Variants in ASB4 observed in about 807,000 individuals in gnomAD.
ASB4 encodes ankyrin repeat and SOCS box containing 4, also known as ankyrin repeat and SOCS box protein 4.
In ASB4, 35 loss-of-function variants were observed where a neutral mutation model predicts 38.6. The observed-to-expected ratio is 0.91, with a 90% CI of 0.69 to 1.20. The LOEUF (loss-of-function observed/expected upper bound fraction) is 1.20. Ranked by LOEUF, ASB4 falls within the 50% of genes most tolerant of loss-of-function variation. The probability of loss-of-function intolerance (pLI) is 0.00; values close to 1 mark genes in which losing one functional copy is unlikely to be tolerated. For missense variants in ASB4, 557 were observed against 527.2 expected (o/e 1.06, Z -0.55); for synonymous variants, 195 against 201.3 (o/e 0.97, Z 0.26).
At chr7:95,484,167 A>C (rs1029658500), upstream of ASB4, among the ~76,000 whole-genome samples, 1 of 152,070 alleles carries the variant, frequency 6.6e-6, no homozygotes, top group African/African-American at 2.4e-5. Flanking sequence ...GTCTCTTCAA[A>C]AAAACACACA....
At chr7:95,490,414 T>C (rs1426241571) in intron 1 of ASB4, among the ~76,000 whole-genome samples, 2 of 152,222 alleles carry the variant, frequency 1.3e-5, no homozygotes, top group Non-Finnish European at 1.5e-5. Flanking sequence ...CAGGGGAACT[T>C]TGAGTTATCT....
At chr7:95,536,114 T>C (rs914774501) in intron 3 of ASB4, among the ~76,000 whole-genome samples, 1 of 152,236 alleles carries the variant, frequency 6.6e-6, no homozygotes, top group Non-Finnish European at 1.5e-5. Flanking sequence ...TTTGATTTTA[T>C]TAATCTATCT....
intron 2 of ASB4, among the ~76,000 whole-genome samples, chr7:95,509,452 T>A (rs2116613385): frequency 6.6e-6 from 1 of 152,314 alleles, no homozygotes; most frequent in Non-Finnish European, 1.5e-5. Flanking sequence ...TATTCCAAAC[T>A]AAGCACTTAG....
chr7:95,515,239 CTT>C (rs1562817091), intron 2 of ASB4, among the ~76,000 whole-genome samples: 34 of 116,088 alleles, frequency 2.9e-4, no homozygotes, highest in African/African-American at 3.5e-4. Context: ...CTTTTTCTTT[CTT>C]TCTTTCTTTC....
Position 95,537,689 on chromosome 7 carries a change from T to C in ASB4, c.1211T>C (p.Ile404Thr), listed in dbSNP as rs1306075501. The change falls in exon 5 of 5, where the codon ATT becomes ACT. Residue 404 changes from isoleucine to threonine, a missense_variant. By Grantham distance (89) the Ile-to-Thr change is moderately conservative. Transcript: ENST00000325885. ...TTACACAACAGATGCCATAGAGCAA[T>C]TCCTTTGCTTTCCCTCCCATTGTCA... ...RTLHNRCHRA[I>T]PLLSLPLSLK... 2 of 1,613,892 alleles carry C rather than the reference T, an allele frequency of 1.2e-6. No homozygotes were observed. The highest frequency in any genetic ancestry group is 1.7e-6 in the Non-Finnish European group (2 of 1,179,810).
chr7:95,548,265 A>G, the ASB4 span, among the ~76,000 whole-genome samples: 67,183 of 152,090 alleles, frequency 0.44, 15,183 homozygotes, highest in East Asian at 0.82. Context: ...TCTGATAGGT[A>G]AATAGTGATA....
chr7:95,491,544 C>T (rs1409888658), intron 1 of ASB4, among the ~76,000 whole-genome samples: 4 of 152,168 alleles, frequency 2.6e-5, no homozygotes, highest in African/African-American at 4.8e-5. Flanking sequence ...TTCTAGGTTT[C>T]GAAGCCCTGG....
At chr7:95,482,780 T>C (rs1184630269), upstream of ASB4, among the ~76,000 whole-genome samples, 1 of 152,116 alleles carries the variant, frequency 6.6e-6, no homozygotes, top group African/African-American at 2.4e-5. Flanking sequence ...TGATGGATTA[T>C]GAGAGGATAT....
At chr7:95,494,195 C>T (rs888400430) in intron 1 of ASB4, among the ~76,000 whole-genome samples, 4 of 152,110 alleles carry the variant, frequency 2.6e-5, no homozygotes, top group Non-Finnish European at 5.9e-5. Flanking sequence ...ATCACCAGGC[C>T]CACTTTTAAT....
At chr7:95,488,026 G>A (rs1790116934) in intron 1 of ASB4, among the ~76,000 whole-genome samples, 1 of 152,182 alleles carries the variant, frequency 6.6e-6, no homozygotes, top group Admixed American at 6.5e-5. Context: ...CTTAAACCCA[G>A]GTTAAAACTT....
the ASB4 span, among the ~76,000 whole-genome samples, chr7:95,548,660 T>C: frequency 6.6e-6 from 1 of 152,224 alleles, no homozygotes; most frequent in African/African-American, 2.4e-5. Flanking sequence ...CAAGGTCTAG[T>C]TACTAATTAT....
At chr7:95,516,416 TC>T (rs1252993522) in intron 2 of ASB4, among the ~76,000 whole-genome samples, 1 of 152,174 alleles carries the variant, frequency 6.6e-6, no homozygotes, top group Non-Finnish European at 1.5e-5. Flanking sequence ...TTGGTTATTC[TC>T]CAATAGCATG....
upstream of ASB4, among the ~76,000 whole-genome samples, chr7:95,477,695 T>C (rs571295080): frequency 3.9e-5 from 6 of 152,244 alleles, no homozygotes; most frequent in South Asian, 2.1e-4. Context: ...CTCAGTACTT[T>C]TTTTCTTAAA....
In ASB4 at chr7:95,515,161, CTCTT is replaced by C. The variant is rs372162562; in HGVS notation, c.488-12648_488-12645del. 1.4e-3 allele frequency among the ~76,000 whole-genome samples: 172 copies of C among 125,902 alleles called. 1 individual carries two copies. Among genetic ancestry groups the C allele is most frequent in the African/African-American group, 4.5e-3 (136 of 30,030 alleles). 82.6% of individuals were successfully genotyped at this position (125,902 alleles called of 152,430 possible). A position where few individuals can be genotyped will look rare whatever the true frequency, so the allele number is the denominator to read the frequency against. On this transcript the variant is annotated intron_variant, in intron 2 of 4. Transcript: ENST00000325885. ...AGCAATTGTTTTTCTTTCTTTCTTT[CTCTT>C]TCTCTTTCTTTCTTTCTTTCTTTCT...
intron 2 of ASB4, among the ~76,000 whole-genome samples, chr7:95,526,756 A>G (rs1790742192): frequency 6.6e-6 from 1 of 152,184 alleles, no homozygotes; most frequent in Non-Finnish European, 1.5e-5. Flanking sequence ...GCATAATAAT[A>G]ACAATAATAA....
At chr7:95,488,114 G>A (rs1176211410) in intron 1 of ASB4, among the ~76,000 whole-genome samples, 1 of 152,144 alleles carries the variant, frequency 6.6e-6, no homozygotes, top group African/African-American at 2.4e-5. Context: ...GGCCGAGGTG[G>A]GCTGATCACG....
At chr7:95,505,112 G>C (rs2116606569) in intron 2 of ASB4, among the ~76,000 whole-genome samples, 1 of 152,226 alleles carries the variant, frequency 6.6e-6, no homozygotes, top group Non-Finnish European at 1.5e-5. Context: ...GTCCTAACTG[G>C]CACAAAGAGA....
chr7:95,470,926 G>A, the ASB4 span, among the ~76,000 whole-genome samples: 2 of 152,158 alleles, frequency 1.3e-5, no homozygotes, highest in South Asian at 2.1e-4. Context: ...GTGGTTCCCT[G>A]TTTACAAAGT....
intron 1 of ASB4, among the ~76,000 whole-genome samples, chr7:95,486,489 C>T (rs890238059): frequency 2.0e-5 from 3 of 152,166 alleles, no homozygotes; most frequent in Admixed American, 1.3e-4. Flanking sequence ...TAGATTATGG[C>T]TAAGCAGATT....
Sources: gnomAD v4.1 joint callset for allele counts (sites outside exome capture counted in the v4.1 genomes callset) on GRCh38, gnomAD v4.1.1 for gene constraint, MANE v1.5 for transcripts, NCBI Gene and HGNC (gene_info 2026-07-23, HGNC 2026-07-21) for gene names.